RANBP2: variants seen among roughly 807,000 people sequenced by gnomAD.
RANBP2 encodes RAN binding protein 2.
A neutral mutation model predicts 303.6 loss-of-function variants in RANBP2; 57 were observed. The ratio of observed to expected loss-of-function variants is 0.19; its 90% CI spans 0.15 to 0.23. The LOEUF is 0.23. Among genes scored for constraint, RANBP2 ranks in the 10% least tolerant of loss-of-function variants. RANBP2 has a pLI of 1.00. For synonymous variants in RANBP2, 1,167 were observed against 1,301.5 expected (o/e 0.90, Z 2.23); for missense variants, 3,138 against 3,780.8 (o/e 0.83, Z 4.46).
At chr2:109,135,998 GAC>G in the RANBP2 span, among the ~76,000 whole-genome samples, 1 of 152,168 alleles carries the variant, frequency 6.6e-6, no homozygotes, top group Non-Finnish European at 1.5e-5. Flanking sequence ...TCATCCGTAG[GAC>G]ACAATAGCTT....
the RANBP2 span, among the ~76,000 whole-genome samples, chr2:108,993,419 C>T: frequency 6.6e-5 from 10 of 152,106 alleles, no homozygotes; most frequent in Admixed American, 5.2e-4. Context: ...GGTATGGATT[C>T]TATTCCAAGT....
chr2:109,490,551 A>G, the RANBP2 span: 1 of 1,324,460 alleles, frequency 7.6e-7, no homozygotes, highest in Non-Finnish European at 9.8e-7. Flanking sequence ...CTCTGACAGC[A>G]AGGGCATTGG....
At chr2:109,088,933 C>T in the RANBP2 span, among the ~76,000 whole-genome samples, 1 of 152,160 alleles carries the variant, frequency 6.6e-6, no homozygotes, top group African/African-American at 2.4e-5. Context: ...AGTTGAGCCC[C>T]AAACAAAAGA....
the RANBP2 span, chr2:108,847,074 T>C: frequency 1.7e-6 from 1 of 598,774 alleles, no homozygotes; most frequent in South Asian, 2.4e-5. Flanking sequence ...TATAAAAAGC[T>C]ACTTTTATTT....
chr2:109,006,137 G>A, the RANBP2 span, among the ~76,000 whole-genome samples: 11 of 152,298 alleles, frequency 7.2e-5, no homozygotes, highest in African/African-American at 2.4e-4. Context: ...CGCGTGTGGA[G>A]TGACGCTACT....
chr2:109,469,329 C>T, the RANBP2 span, among the ~76,000 whole-genome samples: 1 of 152,254 alleles, frequency 6.6e-6, no homozygotes, highest in Non-Finnish European at 1.5e-5. Context: ...GGGTGTGTGG[C>T]ATGCGGCTGG....
the RANBP2 span, among the ~76,000 whole-genome samples, chr2:109,090,947 A>G: frequency 6.6e-6 from 1 of 151,878 alleles, no homozygotes; most frequent in Non-Finnish European, 1.5e-5. Context: ...ATGCCACCTC[A>G]CTCTGATTTT....
the RANBP2 span, among the ~76,000 whole-genome samples, chr2:109,482,022 G>A: frequency 9.2e-5 from 14 of 152,320 alleles, no homozygotes; most frequent in Non-Finnish European, 1.6e-4. Flanking sequence ...ACTGAATGGC[G>A]TACTGGGGTT....
the RANBP2 span, chr2:109,794,614 G>GCGGCGGCGGCGGC: frequency 1.4e-5 from 1 of 72,260 alleles, no homozygotes; most frequent in African/African-American, 1.1e-4. Flanking sequence ...GCGGCGGGGG[G>GCGGCGGCGGCGGC]GGCGGCGGCG....
At chr2:108,741,757 C>G (rs1324338923) in intron 7 of RANBP2, among the ~76,000 whole-genome samples, 2 of 150,020 alleles carry the variant, frequency 1.3e-5, no homozygotes, top group African/African-American at 4.9e-5. Context: ...AGTCATCCAC[C>G]TGCCTCGGCC....
the RANBP2 span, among the ~76,000 whole-genome samples, chr2:108,864,480 T>C: frequency 6.6e-6 from 1 of 150,396 alleles, no homozygotes; most frequent in Non-Finnish European, 1.5e-5. Context: ...CTGGGCAACA[T>C]AGTAAGGCCC....
chr2:109,355,751 G>A, the RANBP2 span, among the ~76,000 whole-genome samples: 1 of 152,174 alleles, frequency 6.6e-6, no homozygotes, highest in Non-Finnish European at 1.5e-5. Flanking sequence ...TAACACGCAG[G>A]TCCATGCCAT....
the RANBP2 span, among the ~76,000 whole-genome samples, chr2:109,369,386 C>G: frequency 6.6e-6 from 1 of 152,174 alleles, no homozygotes; most frequent in South Asian, 2.1e-4. Context: ...CCCACACACT[C>G]AACGCTGAGC....
the RANBP2 span, among the ~76,000 whole-genome samples, chr2:109,494,438 A>T: frequency 2.3e-3 from 348 of 152,214 alleles, no homozygotes; most frequent in African/African-American, 7.0e-3. Flanking sequence ...TATCCTGGGG[A>T]GCCCTAGCAG....
At chr2:109,607,609 T>C in the RANBP2 span, among the ~76,000 whole-genome samples, 4 of 152,220 alleles carry the variant, frequency 2.6e-5, no homozygotes, top group Non-Finnish European at 4.4e-5. Flanking sequence ...GCTAATTTAA[T>C]AAAAATTAAA....
the RANBP2 span, among the ~76,000 whole-genome samples, chr2:109,647,155 CTTTTTTTTT>C: frequency 1.5e-4 from 11 of 71,474 alleles, no homozygotes; most frequent in African/African-American, 2.2e-4. Flanking sequence ...GCTCTCCTCA[CTTTTTTTTT>C]TTTTTTTTTT....
chr2:108,755,344 C>G, intron 17 of RANBP2, 85 bp downstream of exon 17: 1 of 1,591,146 alleles, frequency 6.3e-7, no homozygotes, highest in Non-Finnish European at 8.6e-7. Flanking sequence ...TGAAGCTGGT[C>G]AGAATGTCCC....
chr2:109,472,301 G>A, the RANBP2 span, among the ~76,000 whole-genome samples: 6 of 152,014 alleles, frequency 3.9e-5, no homozygotes, highest in Admixed American at 3.9e-4. Flanking sequence ...GAGAGGACCC[G>A]GCCAGGGGCC....
the RANBP2 span, among the ~76,000 whole-genome samples, chr2:108,918,225 C>G: frequency 6.6e-6 from 1 of 152,134 alleles, no homozygotes; most frequent in Admixed American, 6.5e-5. Flanking sequence ...CTGTGCAGCC[C>G]CCAGGATAGG....
Sources: allele counts gnomAD v4.1 joint callset (sites outside exome capture counted in the v4.1 genomes callset), GRCh38; gene constraint gnomAD v4.1.1; transcripts MANE v1.5; gene names NCBI Gene and HGNC (gene_info 2026-07-23, HGNC 2026-07-21).